Variants in ITIH6 observed in about 807,000 individuals in gnomAD.
ITIH6 encodes inter-alpha-trypsin inhibitor heavy chain H6.
A neutral mutation model predicts 58.2 loss-of-function variants in ITIH6; 60 were observed. The observed-to-expected ratio is 1.03, with a 90% CI of 0.84 to 1.28. The LOEUF (loss-of-function observed/expected upper bound fraction) is 1.28. ITIH6 is among the 50% of genes most tolerant of loss of function. The pLI is 0.00. For synonymous variants in ITIH6, 493 were observed against 417.4 expected (o/e 1.18, Z -2.21); for missense variants, 1,290 against 1,021.1 (o/e 1.26, Z -3.59).
At chrX:54,772,793 C>T (rs1386321904) in intron 6 of ITIH6, among the ~76,000 whole-genome samples, 1 of 112,020 alleles carries the variant, frequency 8.9e-6, no homozygotes, top group African/African-American at 3.2e-5. Flanking sequence ...ATTTTTTTGA[C>T]AGGGTCTTGC....
intron 5 of ITIH6, chrX:54,787,648 G>A (rs187062098): frequency 1.8e-5 from 2 of 111,506 alleles, no homozygotes; most frequent in African/African-American, 6.5e-5. Context: ...TTTAGTCCAG[G>A]GCAGACAAAC....
intron 5 of ITIH6, chrX:54,787,658 C>T (rs1468597235): frequency 2.7e-5 from 3 of 111,440 alleles, no homozygotes; most frequent in Non-Finnish European, 3.8e-5. Flanking sequence ...GGCAGACAAA[C>T]GAATTGTTGG....
intron 5 of ITIH6, chrX:54,787,310 T>G (rs1290941403): frequency 1.8e-5 from 2 of 112,442 alleles, no homozygotes; most frequent in Non-Finnish European, 3.8e-5. Flanking sequence ...CCTGACTGAC[T>G]GACTTGCAGA....
In ITIH6 at chrX:54,758,570, C is replaced by T; in HGVS notation, c.1504G>A (p.Glu502Lys). 2.5e-6 allele frequency: 3 copies of T among 1,210,949 alleles called. No individual in the cohort carries two copies. The highest frequency in any genetic ancestry group is 2.2e-6 in the Non-Finnish European group (2 of 895,124). ...TGCACCTGTCCTGCCACCACCAGCTCAGAGCCACCAAAGTAGTTGGGGAAA... is the reference window on the plus strand; with the variant it reads ...TGCACCTGTCCTGCCACCACCAGCTTAGAGCCACCAAAGTAGTTGGGGAAA... ...AVFPNYFGGS[E>K]LVVAGQVQPG... Residue 502 changes from glutamate (E) to lysine (K), a missense_variant, in exon 8 of 13, where the codon GAG becomes AAG. Transcript: ENST00000218436.
intron 6 of ITIH6, among the ~76,000 whole-genome samples, chrX:54,766,580 TGA>T (rs1434780832): frequency 2.2e-5 from 1 of 46,018 alleles, no homozygotes; most frequent in African/African-American, 1.2e-4. Flanking sequence ...CCTAATTTAT[TGA>T]GAGTTTTTAG....
At chrX:54,791,119 G>T (rs777300956) in intron 3 of ITIH6, 35 bp from the exon 4 acceptor site, 1 of 1,201,500 alleles carries the variant, frequency 8.3e-7, no homozygotes, top group East Asian at 3.0e-5. Context: ...GGAAGAGAAA[G>T]GGACCTTCAG....
chrX:54,756,843 A>G, intron 8 of ITIH6, 122 bp downstream of exon 8: 3 of 455,144 alleles, frequency 6.6e-6, no homozygotes, highest in East Asian at 7.5e-5. Context: ...CAAGCAAGCA[A>G]GCAAGCAAGG....
chrX:54,751,539 G>A (rs1394141863), intron 11 of ITIH6, among the ~76,000 whole-genome samples, 159 bp from the exon 12 acceptor site: 1 of 112,314 alleles, frequency 8.9e-6, no homozygotes, highest in Non-Finnish European at 1.9e-5. Context: ...GCTCCTTCCT[G>A]AGCAGTGTGT....
intron 5 of ITIH6, among the ~76,000 whole-genome samples, chrX:54,775,790 C>T (rs1929038713): frequency 9.0e-6 from 1 of 111,148 alleles, no homozygotes; most frequent in Non-Finnish European, 1.9e-5. Context: ...ACTGTGCCCA[C>T]CCCGCATAGA....
intron 2 of ITIH6, among the ~76,000 whole-genome samples, chrX:54,796,329 T>G (rs1323745868): frequency 2.7e-5 from 3 of 112,512 alleles, no homozygotes; most frequent in Non-Finnish European, 5.6e-5. Context: ...ATCAACTACT[T>G]AATATGTGCC....
intron 11 of ITIH6, among the ~76,000 whole-genome samples, chrX:54,752,295 G>T (rs768260559): frequency 4.5e-5 from 5 of 112,019 alleles, no homozygotes; most frequent in African/African-American, 1.6e-4. Flanking sequence ...TTTGAAAAGA[G>T]CCCCTATCAG....
intron 6 of ITIH6, among the ~76,000 whole-genome samples, chrX:54,765,681 G>A (rs1183094681): frequency 9.6e-6 from 1 of 104,355 alleles, no homozygotes. Context: ...TCGGCTCACT[G>A]CAAGCTCCGC....
In ITIH6 at chrX:54,758,410, T is replaced by G. The variant is rs1297906577; in HGVS notation, c.1664A>C (p.Asn555Thr). Residue 555 changes from asparagine (N) to threonine (T), a missense_variant, in exon 8 of 13, where the codon AAT becomes ACT. Transcript: ENST00000218436. Reference protein sequence around the residue: ...AFGCPGEPAPNVAHFIRRLWA... With the variant: ...AFGCPGEPAPTVAHFIRRLWA... ...GAGGCGGCGGATGAAGTGGGCCACA[T>G]TGGGGGCTGGCTCCCCTGGGCAACC... 8.3e-7 allele frequency: 1 copy of G among 1,210,394 alleles called. No individual in the cohort carries two copies. Among genetic ancestry groups the G allele is most frequent in the East Asian group, 3.0e-5 (1 of 33,774 alleles).
chrX:54,781,667 A>G (rs1293401767), intron 5 of ITIH6, among the ~76,000 whole-genome samples: 1 of 112,759 alleles, frequency 8.9e-6, no homozygotes, highest in African/African-American at 3.2e-5. Flanking sequence ...TATGGAAGAC[A>G]GTGTTGCAAT....
intron 4 of ITIH6, among the ~76,000 whole-genome samples, chrX:54,789,215 A>G (rs951340713): frequency 1.8e-5 from 2 of 111,800 alleles, no homozygotes; most frequent in African/African-American, 6.5e-5. Flanking sequence ...AGCCTTTTAG[A>G]GTCTCATGAA....
At chrX:54,767,990 G>T (rs1349032567) in intron 6 of ITIH6, among the ~76,000 whole-genome samples, 1 of 100,304 alleles carries the variant, frequency 1.0e-5, no homozygotes, top group Non-Finnish European at 1.9e-5. Context: ...TGACAGTGGG[G>T]TGTTAAAATC....
In ITIH6 at chrX:54,757,472, T is replaced by C. The variant is rs1928518605; in HGVS notation, c.2602A>G (p.Ser868Gly). Residue 868 changes from serine (S) to glycine (G), a missense_variant, in exon 8 of 13, where the codon AGC becomes GGC. Transcript: ENST00000218436. Reference sequence around the variant, plus strand: ...GTCTCAGGCTTGGAAAGTGATATGCTTGTGGAAATTTGGTGTGGTGGGGCA... The same window carrying C: ...GTCTCAGGCTTGGAAAGTGATATGCCTGTGGAAATTTGGTGTGGTGGGGCA... ...PSAPPHQISTSISLSKPETPN... is the reference protein window; with the variant it reads ...PSAPPHQISTGISLSKPETPN... The C allele has an allele frequency of 8.3e-7, 1 of 1,208,441 alleles. No individual in the cohort carries two copies. Among genetic ancestry groups the C allele is most frequent in the African/African-American group, 1.8e-5 (1 of 56,702 alleles).
Position 54,788,667 on chromosome X carries a change from A to T in ITIH6, c.617-18T>A. 2.5e-6 allele frequency: 3 copies of T among 1,186,398 alleles called. No individual in the cohort carries two copies. Among genetic ancestry groups the T allele is most frequent in the Non-Finnish European group, 3.4e-6 (3 of 874,606 alleles). ...CACCTCACCTGTATGGGTGGGGAGGATCGGGGCGGGGTGGTACAGAGGACT... is the reference window on the plus strand; with the variant it reads ...CACCTCACCTGTATGGGTGGGGAGGTTCGGGGCGGGGTGGTACAGAGGACT... On this transcript the variant is annotated intron_variant, in intron 4 of 12. Coordinates refer to ENST00000218436, the MANE Select transcript of ITIH6 (RefSeq NM_198510.3).
chrX:54,753,879 C>T (rs1467350865), intron 10 of ITIH6, 51 bp downstream of exon 10: 1 of 1,175,311 alleles, frequency 8.5e-7, no homozygotes, highest in Admixed American at 2.2e-5. Flanking sequence ...AGTCCCAGTG[C>T]ACAAGCTGCC....
Sources: allele counts gnomAD v4.1 joint callset (sites outside exome capture counted in the v4.1 genomes callset), GRCh38; gene constraint gnomAD v4.1.1; transcripts MANE v1.5; gene names NCBI Gene and HGNC (gene_info 2026-07-23, HGNC 2026-07-21).